The following TENM2 variants were observed in gnomAD, a reference collection of about 807,000 sequenced individuals.
TENM2 encodes teneurin transmembrane protein 2.
A neutral mutation model predicts 245.2 loss-of-function variants in TENM2; 52 were observed. The ratio of observed to expected loss-of-function variants is 0.21; its 90% CI spans 0.17 to 0.27. TENM2 has a LOEUF of 0.27. Among genes scored for constraint, TENM2 ranks in the 10% least tolerant of loss-of-function variants. The pLI, the probability that TENM2 is intolerant of heterozygous loss-of-function variation, is 1.00. For synonymous variants in TENM2, 1,363 were observed against 1,438.9 expected (o/e 0.95, Z 1.19); for missense variants, 3,046 against 3,666.8 (o/e 0.83, Z 4.37).
intron 23 of TENM2, among the ~76,000 whole-genome samples, chr5:168,221,513 A>C (rs534996849): frequency 2.0e-5 from 3 of 152,242 alleles, no homozygotes; most frequent in Admixed American, 1.3e-4. Context: ...CCACCTTCAG[A>C]CTCCACATGG....
At chr5:167,092,609 C>T in the TENM2 span, among the ~76,000 whole-genome samples, 41 of 152,200 alleles carry the variant, frequency 2.7e-4, no homozygotes, top group Admixed American at 5.9e-4. Flanking sequence ...GATGCAGGTA[C>T]TCTTATTATC....
chr5:168,095,367 A>G (rs1793278709), intron 8 of TENM2, among the ~76,000 whole-genome samples: 1 of 151,334 alleles, frequency 6.6e-6, no homozygotes, highest in Non-Finnish European at 1.5e-5. Flanking sequence ...TCTCTTTCCC[A>G]CCCCAGAGCC....
the TENM2 span, among the ~76,000 whole-genome samples, chr5:167,096,688 C>T: frequency 6.6e-6 from 1 of 152,102 alleles, no homozygotes; most frequent in Admixed American, 6.6e-5. Context: ...CTCAGTTGTT[C>T]CTCTATTGAG....
chr5:168,238,184 AGGGAGG>A lies in TENM2; in HGVS notation c.5521-6234_5521-6229del, dbSNP rs1347127444. On this transcript the variant is annotated intron_variant, in intron 25 of 28. Coordinates refer to ENST00000518659, the Ensembl canonical transcript of TENM2. ...GAGAGAGAGAGAGAGAGAGAGAGAG[AGGGAGG>A]GAGGGAGGGAGGGAGGGAGGGAGGG... Among the ~76,000 whole-genome samples the A allele has an allele frequency of 6.1e-3, 207 of 33,902 alleles. 25 individuals carry two copies. The highest frequency in any genetic ancestry group is 0.05 in the African/African-American group (183 of 3,636). 22.2% of individuals were successfully genotyped at this position (33,902 alleles called of 152,430 possible). A position where few individuals can be genotyped will look rare whatever the true frequency, so the allele number is the denominator to read the frequency against.
chr5:168,211,584 G>C lies in TENM2; in HGVS notation c.3825-150G>C, dbSNP rs528954994. On this transcript the variant is annotated intron_variant, in intron 19 of 28. Coordinates refer to ENST00000518659, the Ensembl canonical transcript of TENM2. ...TCAGGGGCACTTCTCAAGCTATTGA[G>C]CCAGGAGTTGTCAGTTACAGGGGAA... 6 of 565,384 alleles carry C rather than the reference G, an allele frequency of 1.1e-5. No individual in the cohort carries two copies. In the African/African-American group the frequency reaches 1.2e-4, roughly 11 times the overall value. The allele number at this position is 565,384 out of a possible 1,614,324, so 35.0% of individuals were successfully genotyped here. A position where few individuals can be genotyped will look rare whatever the true frequency, so the allele number is the denominator to read the frequency against.
intron 2 of TENM2, among the ~76,000 whole-genome samples, chr5:167,596,373 C>G (rs1776210540): frequency 6.6e-6 from 1 of 152,102 alleles, no homozygotes; most frequent in African/African-American, 2.4e-5. Context: ...ACTGGACTGT[C>G]CCCCCCAAGG....
chr5:167,668,500 A>G (rs1755717928), intron 2 of TENM2, among the ~76,000 whole-genome samples: 1 of 152,172 alleles, frequency 6.6e-6, no homozygotes, highest in South Asian at 2.1e-4. Context: ...TGCATCATTC[A>G]TACGCTGTAA....
the TENM2 span, among the ~76,000 whole-genome samples, chr5:167,127,546 C>G: frequency 1.7e-3 from 244 of 143,858 alleles, 2 homozygotes; most frequent in Non-Finnish European, 2.4e-3. Context: ...CGTGACCCTA[C>G]AAGGAAACAT....
chr5:167,952,894 G>A (rs953808261), intron 4 of TENM2, 72 bp downstream of exon 6: 5 of 1,283,774 alleles, frequency 3.9e-6, no homozygotes, highest in Non-Finnish European at 5.5e-6. Flanking sequence ...CAGAGCCACT[G>A]GGTGTCTCAG....
the TENM2 span, among the ~76,000 whole-genome samples, chr5:167,204,856 T>C: frequency 5.9e-5 from 9 of 152,306 alleles, no homozygotes; most frequent in South Asian, 8.3e-4. Flanking sequence ...CTCATACATA[T>C]GTTACAAATA....
intron 23 of TENM2, among the ~76,000 whole-genome samples, chr5:168,225,589 C>CAT (rs1764094472): frequency 6.6e-6 from 1 of 151,908 alleles, no homozygotes; most frequent in Admixed American, 6.6e-5. Context: ...GGCAAAACCC[C>CAT]ATCTCTACAA....
intron 2 of TENM2, among the ~76,000 whole-genome samples, chr5:167,459,381 C>T (rs1387852089): frequency 6.6e-6 from 1 of 152,130 alleles, no homozygotes; most frequent in Non-Finnish European, 1.5e-5. Context: ...CAGTTAGTTT[C>T]TTGATTCATC....
At chr5:167,082,358 A>G in the TENM2 span, among the ~76,000 whole-genome samples, 1 of 151,996 alleles carries the variant, frequency 6.6e-6, no homozygotes, top group Non-Finnish European at 1.5e-5. Context: ...GATCCCGATT[A>G]TTGCAACCTC....
rs528913148 is a variant in TENM2, at chr5:168,160,490, C to T, written c.2423-2121C>T. On this transcript the variant is annotated intron_variant, in intron 12 of 28. Transcript: ENST00000518659. Reference sequence around the variant, plus strand: ...TGCCAGGCTGTGCAACAAAAGAAAACAGATTCCCTGGTAAGAGTCTCCTTA... The same window carrying T: ...TGCCAGGCTGTGCAACAAAAGAAAATAGATTCCCTGGTAAGAGTCTCCTTA... 1.4e-4 allele frequency among the ~76,000 whole-genome samples: 22 copies of T among 152,314 alleles called. No individual in the cohort carries two copies. In the South Asian group the frequency reaches 4.6e-3, roughly 32 times the overall value.
At chr5:167,458,114 T>C (rs1331925209) in intron 2 of TENM2, among the ~76,000 whole-genome samples, 2 of 152,184 alleles carry the variant, frequency 1.3e-5, no homozygotes, top group Non-Finnish European at 2.9e-5. Context: ...AACTTTTAAA[T>C]TATTTAAAAA....
intron 2 of TENM2, among the ~76,000 whole-genome samples, chr5:167,445,369 A>AGT (rs1554154171): frequency 0.01 from 1,026 of 98,214 alleles, 79 homozygotes; most frequent in East Asian, 0.042. Flanking sequence ...AGAGAGAGAG[A>AGT]GTGTCAGGTG....
At chr5:167,751,845 A>G (rs933571568) in intron 2 of TENM2, among the ~76,000 whole-genome samples, 1 of 152,090 alleles carries the variant, frequency 6.6e-6, no homozygotes, top group Admixed American at 6.6e-5. Context: ...AGACTGGAGT[A>G]AGTGAATTCC....
At position 167,786,982 on chromosome 5, in the gene TENM2, C is replaced by T. The variant is rs144831450; in HGVS notation, c.503-89004C>T. Among the ~76,000 whole-genome samples, 136 of 152,362 alleles carry T rather than the reference C, an allele frequency of 8.9e-4. 1 individual carries two copies. Among genetic ancestry groups the T allele is most frequent in the Non-Finnish European group, 1.6e-3 (108 of 68,042 alleles). On this transcript the variant is annotated intron_variant, in intron 2 of 28. Transcript: ENST00000518659. ...ACTAAGCACTTAGTAAAATACTAGT[C>T]ACTTTGCTAGGTATTAAGCACTTAA...
chr5:167,990,924 GC>G, intron 4 of TENM2, among the ~76,000 whole-genome samples: 1 of 152,322 alleles, frequency 6.6e-6, no homozygotes, highest in Middle Eastern at 3.4e-3. Context: ...AAGCCTGCTA[GC>G]CCCCAGAGGC....
Sources: gnomAD v4.1 joint callset for allele counts (sites outside exome capture counted in the v4.1 genomes callset) on GRCh38, gnomAD v4.1.1 for gene constraint, MANE v1.5 for transcripts, NCBI Gene and HGNC (gene_info 2026-07-23, HGNC 2026-07-21) for gene names.